Variants in EIF1AX observed in about 807,000 individuals in gnomAD.
The protein encoded by EIF1AX is eukaryotic translation initiation factor 1A, X-chromosomal.
EIF1AX carries 1 observed loss-of-function variant against 16.1 expected under a neutral mutation model. The observed-to-expected ratio is 0.06, with a 90% CI of 0.02 to 0.30. The LOEUF (loss-of-function observed/expected upper bound fraction) is 0.30, where lower values mean the gene tolerates loss of function less well. EIF1AX is among the 10% of genes least tolerant of loss of function. EIF1AX has a pLI of 1.00. For missense variants in EIF1AX, 11 were observed against 109.1 expected, an observed-to-expected ratio of 0.10 and a Z score of 4.00; for synonymous variants, 32 against 37.3, an observed-to-expected ratio of 0.86 and a Z score of 0.51.
chrX:20,134,099 A>AT, intron 3 of EIF1AX, 92 bp from the exon 4 acceptor site: 1 of 992,111 alleles, frequency 1.0e-6, no homozygotes, highest in Non-Finnish European at 1.4e-6. Flanking sequence ...AAATTAAGAG[A>AT]TTTTAGGCCA....
At position 20,125,368 on chromosome X, in the gene EIF1AX, G is replaced by C. The variant is rs2066982239; in HGVS notation, c.*2938C>G. ...TCTGAATAGGAAGAAAAAAAGCAAA[G>C]ATAAAAAGGATGGTAGTTTAGGGTA... On this transcript the variant is annotated 3_prime_UTR_variant, in exon 7 of 7. Transcript: ENST00000379607. The C allele has an allele frequency of 5.8e-6, 1 of 171,047 alleles. No homozygotes were observed. Among genetic ancestry groups the C allele is most frequent in the African/African-American group, 2.9e-5 (1 of 33,964 alleles). The allele number at this position is 171,047 out of a possible 1,213,427, so 14.1% of individuals were successfully genotyped here.
chrX:20,137,152 C>T (rs775250132), intron 2 of EIF1AX, among the ~76,000 whole-genome samples: 46 of 111,735 alleles, frequency 4.1e-4, no homozygotes, highest in Non-Finnish European at 7.7e-4. Context: ...CTGAAGAAAT[C>T]CTACATATGG....
At position 20,126,226 on chromosome X, in the gene EIF1AX, T is replaced by C. The variant is rs977674450; in HGVS notation, c.*2080A>G. 2.1e-5 allele frequency: 3 copies of C among 142,574 alleles called. No individual in the cohort carries two copies. The East Asian group carries it at 3.4e-4, about 16-fold the overall frequency. The allele number at this position is 142,574 out of a possible 1,213,427, so 11.7% of individuals were successfully genotyped here. The stretch of plus-strand genomic sequence containing the variant: ...AAAATAAAACTTCTTGGAGACCATT[T>C]CCATTATTTATGATTAAATCAATGA... On this transcript the variant is annotated 3_prime_UTR_variant, in exon 7 of 7. Coordinates refer to ENST00000379607, the MANE Select transcript of EIF1AX (RefSeq NM_001412.4).
intron 3 of EIF1AX, among the ~76,000 whole-genome samples, chrX:20,135,434 G>A (rs2067013611): frequency 9.1e-6 from 1 of 110,059 alleles, no homozygotes; most frequent in Admixed American, 9.7e-5. Flanking sequence ...TGATAAGAGT[G>A]AGACCCTGTA....
rs1257906383 is a variant in EIF1AX at position 20,126,987 on chromosome X, A to AT, written c.*1318dup. 1 of 146,932 alleles carries AT rather than the reference A, an allele frequency of 6.8e-6. No homozygotes were observed. Among genetic ancestry groups the AT allele is most frequent in the Non-Finnish European group, 1.4e-5 (1 of 73,407 alleles). The allele number at this position is 146,932 out of a possible 1,213,427, so 12.1% of individuals were successfully genotyped here. On this transcript the variant is annotated 3_prime_UTR_variant, in exon 7 of 7. Coordinates refer to ENST00000379607, the MANE Select transcript of EIF1AX (RefSeq NM_001412.4). ...GAAAAGTTCCCCGGTGACTAATAAA[A>AT]TAAAAGTGTCACAAGCTACATGATG...
At chrX:20,132,885 C>T (rs1452352750) in intron 4 of EIF1AX, among the ~76,000 whole-genome samples, 1 of 112,021 alleles carries the variant, frequency 8.9e-6, no homozygotes, top group African/African-American at 3.2e-5. Context: ...AATAATTTAA[C>T]TCAGTTAAGG....
At chrX:20,130,302 CAAAA>C (rs773734086) in intron 6 of EIF1AX, among the ~76,000 whole-genome samples, 206 of 28,403 alleles carry the variant, frequency 7.3e-3, no homozygotes, top group Middle Eastern at 0.029. Context: ...AACTCCATCA[CAAAA>C]AAAAAAAAAA....
chrX:20,129,250 G>A (rs778523786), intron 6 of EIF1AX, among the ~76,000 whole-genome samples: 12 of 111,304 alleles, frequency 1.1e-4, no homozygotes, highest in Middle Eastern at 4.6e-3. Flanking sequence ...TAGGTATTCC[G>A]AAATTCCATC....
At chrX:20,139,274 G>A (rs1442005154) in intron 1 of EIF1AX, among the ~76,000 whole-genome samples, 1 of 111,899 alleles carries the variant, frequency 8.9e-6, no homozygotes, top group African/African-American at 3.3e-5. Context: ...CTTTTATAAT[G>A]CTGGTCCCTA....
chrX:20,134,517 C>T (rs1184092564), intron 3 of EIF1AX, among the ~76,000 whole-genome samples: 2 of 111,391 alleles, frequency 1.8e-5, no homozygotes, highest in African/African-American at 6.5e-5. Context: ...GCCGGCGGGT[C>T]ACTTGAGGTC....
At chrX:20,140,214 C>CTAAG (rs2067029815) in intron 1 of EIF1AX, 1 of 112,169 alleles carries the variant, frequency 8.9e-6, no homozygotes, top group South Asian at 3.7e-4. Flanking sequence ...CTATTATTCA[C>CTAAG]TAAGGGTGGA....
rs920294722 is a variant in EIF1AX at position 20,124,554 on chromosome X, T to C, written c.*3752A>G. The C allele has an allele frequency of 6.6e-6, 1 of 150,468 alleles. No homozygotes were observed. Among genetic ancestry groups the C allele is most frequent in the African/African-American group, 3.0e-5 (1 of 32,804 alleles). 12.4% of individuals were successfully genotyped at this position (150,468 alleles called of 1,213,427 possible). ...AAGTTGTTCATATTTTATTTTCTAA[T>C]TGCAGTAGTTTGTATCTGATTTCTT... On this transcript the variant is annotated 3_prime_UTR_variant, in exon 7 of 7. Transcript: ENST00000379607.
chrX:20,135,484 T>C (rs770345528), intron 3 of EIF1AX, among the ~76,000 whole-genome samples: 4 of 111,294 alleles, frequency 3.6e-5, no homozygotes, highest in Non-Finnish European at 5.7e-5. Context: ...GGGCCGTTTG[T>C]TTTTGCAGAA....
rs1009255375 is a variant in EIF1AX at position 20,141,814 on chromosome X, T to A, written c.-174A>T. Reference sequence around the variant, plus strand: ...CCAGCTCTTCAGAGATCCGCCTGCGTCCACGCTCGGCGGCAGCAAATGGCG... The same window carrying A: ...CCAGCTCTTCAGAGATCCGCCTGCGACCACGCTCGGCGGCAGCAAATGGCG... On this transcript the variant is annotated 5_prime_UTR_variant, in exon 1 of 7. Coordinates refer to ENST00000379607, the MANE Select transcript of EIF1AX (RefSeq NM_001412.4). The A allele has an allele frequency of 2.2e-6, 1 of 454,008 alleles. No individual in the cohort carries two copies. The highest frequency in any genetic ancestry group is 3.5e-6 in the Non-Finnish European group (1 of 282,616). The allele number at this position is 454,008 out of a possible 1,213,427, so 37.4% of individuals were successfully genotyped here. A position where few individuals can be genotyped will look rare whatever the true frequency, so the allele number is the denominator to read the frequency against.
intron 2 of EIF1AX, chrX:20,136,326 T>C: frequency 2.8e-6 from 1 of 360,652 alleles, no homozygotes; most frequent in Non-Finnish European, 5.4e-6. Context: ...GTAGAGATCA[T>C]GCATCAGGTA....
At chrX:20,135,216 G>A (rs1325108015) in intron 3 of EIF1AX, among the ~76,000 whole-genome samples, 2 of 109,776 alleles carry the variant, frequency 1.8e-5, no homozygotes, top group African/African-American at 6.7e-5. Flanking sequence ...GGAGGCCAAG[G>A]TGGGCTGATT....
At chrX:20,132,484 A>G (rs1342013063) in intron 4 of EIF1AX, among the ~76,000 whole-genome samples, 1 of 111,767 alleles carries the variant, frequency 8.9e-6, no homozygotes, top group Non-Finnish European at 1.9e-5. Flanking sequence ...AGCTTGGGAA[A>G]TATAGAGATC....
At chrX:20,134,051 G>A (rs1242682955) in intron 3 of EIF1AX, 44 bp from the exon 4 acceptor site, 33 of 1,124,803 alleles carry the variant, frequency 2.9e-5, no homozygotes, top group Non-Finnish European at 3.9e-5. Flanking sequence ...AAATAACGAA[G>A]AATCAAGAAA....
intron 2 of EIF1AX, among the ~76,000 whole-genome samples, chrX:20,137,538 A>G (rs770444517): frequency 4.0e-4 from 45 of 112,136 alleles, no homozygotes; most frequent in South Asian, 1.1e-3. Flanking sequence ...TAATACTGCA[A>G]CTTTCTGTAG....
Sources: gnomAD v4.1 joint callset for allele counts (sites outside exome capture counted in the v4.1 genomes callset) on GRCh38, gnomAD v4.1.1 for gene constraint, MANE v1.5 for transcripts, NCBI Gene and HGNC (gene_info 2026-07-23, HGNC 2026-07-21) for gene names.